RBM47: variants seen among roughly 807,000 people sequenced by gnomAD.
RBM47 encodes the protein RNA-binding protein 47.
RBM47 carries 21 observed loss-of-function variants against 47.1 expected under a neutral mutation model. The ratio of observed to expected loss-of-function variants is 0.45; its 90% CI spans 0.32 to 0.64. The LOEUF is 0.64. RBM47 is among the 30% of genes least tolerant of loss of function. RBM47 has a pLI of 0.05. For synonymous variants in RBM47, 375 were observed against 361.7 expected, an observed-to-expected ratio of 1.04 and a Z score of -0.42; for missense variants, 708 against 870.9, an observed-to-expected ratio of 0.81 and a Z score of 2.35.
intron 1 of RBM47, among the ~76,000 whole-genome samples, chr4:40,618,808 CAAAAAAAA>C (rs35543412): frequency 9.1e-4 from 25 of 27,606 alleles, no homozygotes; most frequent in South Asian, 4.5e-3. Context: ...GACTCCATCT[CAAAAAAAA>C]AAAAAAAAAA....
At chr4:40,565,262 A>G (rs1374898274) in intron 1 of RBM47, among the ~76,000 whole-genome samples, 1 of 152,212 alleles carries the variant, frequency 6.6e-6, no homozygotes, top group East Asian at 1.9e-4. Context: ...ACTCAGCATG[A>G]CACTTGATAC....
At chr4:40,541,746 A>C (rs531207163) in intron 2 of RBM47, among the ~76,000 whole-genome samples, 123 of 152,276 alleles carry the variant, frequency 8.1e-4, no homozygotes, top group African/African-American at 2.9e-3. Context: ...CTCAAAAAAA[A>C]AAAGAAAAAG....
chr4:40,516,830 G>A (rs1170590080), intron 2 of RBM47, among the ~76,000 whole-genome samples: 1 of 152,138 alleles, frequency 6.6e-6, no homozygotes, highest in Non-Finnish European at 1.5e-5. Context: ...CCCGCCACCT[G>A]TGGCATAGTT....
At chr4:40,509,000 A>C (rs1037132796) in intron 2 of RBM47, among the ~76,000 whole-genome samples, 1 of 152,026 alleles carries the variant, frequency 6.6e-6, no homozygotes, top group Non-Finnish European at 1.5e-5. Flanking sequence ...GTCTCTACTA[A>C]AAATACAAAA....
chr4:40,503,998 C>A (rs958238667), intron 2 of RBM47, among the ~76,000 whole-genome samples: 14 of 151,830 alleles, frequency 9.2e-5, no homozygotes, highest in Non-Finnish European at 1.5e-4. Context: ...CATAGTGAGA[C>A]CCCCGTCTTG....
intron 1 of RBM47, among the ~76,000 whole-genome samples, chr4:40,607,337 G>A (rs1385623549): frequency 6.6e-6 from 1 of 152,194 alleles, no homozygotes; most frequent in Non-Finnish European, 1.5e-5. Context: ...ATTACTGGTT[G>A]CCAGGGGATG....
At chr4:40,615,822 G>A (rs938674985) in intron 1 of RBM47, among the ~76,000 whole-genome samples, 2 of 151,984 alleles carry the variant, frequency 1.3e-5, no homozygotes, top group Admixed American at 6.6e-5. Context: ...AACTTCAGGC[G>A]CTTCATATCC....
At chr4:40,546,745 G>A (rs1286323144) in intron 1 of RBM47, among the ~76,000 whole-genome samples, 1 of 152,154 alleles carries the variant, frequency 6.6e-6, no homozygotes, top group African/African-American at 2.4e-5. Context: ...AGTCCAACCT[G>A]TGTCACGAGT....
intron 1 of RBM47, among the ~76,000 whole-genome samples, chr4:40,592,360 C>T (rs1036359464): frequency 4.6e-5 from 7 of 150,830 alleles, no homozygotes; most frequent in African/African-American, 1.5e-4. Context: ...ACTCAGCAGT[C>T]GTCCCACCTC....
At chr4:40,456,359 T>C (rs1006513019) in intron 3 of RBM47, among the ~76,000 whole-genome samples, 2 of 152,146 alleles carry the variant, frequency 1.3e-5, no homozygotes, top group South Asian at 2.1e-4. Flanking sequence ...TGATTACTTT[T>C]TAATTATAAA....
At chr4:40,542,158 C>T (rs1326230112) in intron 2 of RBM47, among the ~76,000 whole-genome samples, 2 of 152,162 alleles carry the variant, frequency 1.3e-5, no homozygotes, top group Non-Finnish European at 2.9e-5. Flanking sequence ...AGATTTCTGT[C>T]TGAACCACAA....
At chr4:40,515,158 C>G (rs140832787) in intron 2 of RBM47, among the ~76,000 whole-genome samples, 3 of 152,300 alleles carry the variant, frequency 2.0e-5, no homozygotes, top group Admixed American at 6.5e-5. Context: ...GCATTCCATT[C>G]AAGTTAACAA....
At chr4:40,431,123 A>G (rs528327294) in intron 6 of RBM47, among the ~76,000 whole-genome samples, 2 of 152,274 alleles carry the variant, frequency 1.3e-5, no homozygotes, top group Admixed American at 6.5e-5. Flanking sequence ...TTCTTTTTCA[A>G]TTGGATAAGG....
chr4:40,581,991 C>G (rs544967331), intron 1 of RBM47, among the ~76,000 whole-genome samples: 2 of 152,166 alleles, frequency 1.3e-5, no homozygotes, highest in South Asian at 2.1e-4. Flanking sequence ...ATCGCCATCC[C>G]CCAGGTCCCT....
intron 2 of RBM47, among the ~76,000 whole-genome samples, chr4:40,529,868 A>G (rs191277417): frequency 6.8e-6 from 1 of 147,494 alleles, no homozygotes; most frequent in African/African-American, 2.5e-5. Context: ...AAATAAATAA[A>G]TAAATAAATA....
chr4:40,458,875 T>C (rs16851447), intron 3 of RBM47, among the ~76,000 whole-genome samples: 2,404 of 152,266 alleles, frequency 0.016, 34 homozygotes, highest in African/African-American at 0.042. Flanking sequence ...TAATACCCCA[T>C]GGCTTGTTTA....
At chr4:40,493,491 T>C (rs1398602098) in intron 2 of RBM47, among the ~76,000 whole-genome samples, 1 of 151,982 alleles carries the variant, frequency 6.6e-6, no homozygotes, top group Non-Finnish European at 1.5e-5. Context: ...AAAATAAAAT[T>C]TATATGTTTT....
intron 2 of RBM47, among the ~76,000 whole-genome samples, chr4:40,507,177 G>A (rs938298648): frequency 3.3e-5 from 5 of 151,812 alleles, no homozygotes; most frequent in African/African-American, 4.8e-5. Flanking sequence ...GGCTGGTCTC[G>A]AACTCCTAAC....
At chr4:40,581,941 G>A (rs914731987) in intron 1 of RBM47, among the ~76,000 whole-genome samples, 8 of 151,738 alleles carry the variant, frequency 5.3e-5, no homozygotes, top group Admixed American at 2.6e-4. Flanking sequence ...TATCTCCCCC[G>A]AACCCGCTTC....
Sources: gnomAD v4.1 joint callset for allele counts (sites outside exome capture counted in the v4.1 genomes callset) on GRCh38, gnomAD v4.1.1 for gene constraint, MANE v1.5 for transcripts, NCBI Gene and HGNC (gene_info 2026-07-23, HGNC 2026-07-21) for gene names.